GNPTAB: variants seen among roughly 807,000 people sequenced by gnomAD.
GNPTAB encodes N-acetylglucosamine-1-phosphotransferase subunits alpha/beta.
GNPTAB carries 92 observed loss-of-function variants against 136.6 expected under a neutral mutation model. That is an observed-to-expected ratio of 0.67 (90% CI 0.57 to 0.80). The LOEUF (loss-of-function observed/expected upper bound fraction) is 0.80. Among genes scored for constraint, GNPTAB ranks in the 30% least tolerant of loss-of-function variants. GNPTAB has a pLI of 0.00. For synonymous variants in GNPTAB, 512 were observed against 535.1 expected (o/e 0.96, Z 0.60); for missense variants, 1,343 against 1,501.8 (o/e 0.89, Z 1.75).
In GNPTAB at chr12:101,790,108, T is replaced by G. The variant is rs547999444; in HGVS notation, c.204-51A>C. On this transcript the variant is annotated intron_variant, in intron 2 of 20. Transcript: ENST00000299314. ...GCTTAAATGCATTTTTCCAATATAT[T>G]TGGTAATAAGAATATCACAGGGTTT... is the stretch of plus-strand genomic sequence containing the variant. 38 of 1,613,206 alleles carry G rather than the reference T, an allele frequency of 2.4e-5. No individual in the cohort carries two copies. The South Asian group carries it at 3.8e-4, about 16-fold the overall frequency.
chr12:101,793,210 A>T (rs1455732372), intron 2 of GNPTAB, among the ~76,000 whole-genome samples: 3 of 151,330 alleles, frequency 2.0e-5, no homozygotes, highest in African/African-American at 7.3e-5. Flanking sequence ...TTTCTCATTT[A>T]AAAAAAAATC....
chr12:101,786,123 G>C lies in GNPTAB; in HGVS notation c.460C>G (p.Leu154Val), dbSNP rs945023795. 1.2e-6 allele frequency: 2 copies of C among 1,614,024 alleles called. No homozygotes were observed. The highest frequency in any genetic ancestry group is 1.7e-5 in the Admixed American group (1 of 60,020). ...TGAAAAGAAGGATAAAGAGATGGCA[G>C]GTCCTTCAGGGTGATGTTGGCTGGC... ...ALPANITLKD[L>V]PSLYPSFHSA... is the part of the protein sequence containing the mutation. The change falls in exon 5 of 21, where the codon CTG (leucine) becomes GTG (valine). Residue 154 changes from leucine to valine, a missense_variant. Leu to Val is a conservative substitution (Grantham distance 32, BLOSUM62 1). Coordinates refer to ENST00000299314, the MANE Select transcript of GNPTAB (RefSeq NM_024312.5).
intron 1 of GNPTAB, among the ~76,000 whole-genome samples, chr12:101,806,975 CA>C (rs1191003377): frequency 6.6e-6 from 1 of 152,090 alleles, no homozygotes; most frequent in African/African-American, 2.4e-5. Context: ...AAAGACATTA[CA>C]AGAAAGGAAA....
intron 7 of GNPTAB, chr12:101,773,351 T>C (rs1274711994): frequency 1.3e-5 from 4 of 299,496 alleles, no homozygotes; most frequent in Non-Finnish European, 2.6e-5. Context: ...TTCCTTGGTA[T>C]GCAGAATGCT....
chr12:101,802,403 T>A (rs534084306), intron 1 of GNPTAB, among the ~76,000 whole-genome samples: 1 of 152,228 alleles, frequency 6.6e-6, no homozygotes, highest in Non-Finnish European at 1.5e-5. Context: ...TTGGACATAG[T>A]AACTTAGGGT....
In GNPTAB at chr12:101,753,398, G is replaced by A; in HGVS notation, c.3576C>T (p.Phe1192=). The change falls in exon 19 of 21, where the codon TTC becomes TTT. Residue 1192 remains phenylalanine, a synonymous_variant. Transcript: ENST00000299314. ...FELPREYRNR[F]LHMHELQEWR... is the part of the protein sequence containing the mutation. ...ATTCCTGCAGCTCATGCATATGAAGGAAACGGTTTCGATACTCTCTTGGCA... is the reference window on the plus strand; with the variant it reads ...ATTCCTGCAGCTCATGCATATGAAGAAAACGGTTTCGATACTCTCTTGGCA... 6.2e-7 allele frequency: 1 copy of A among 1,614,018 alleles called. No individual in the cohort carries two copies. The highest frequency in any genetic ancestry group is 8.5e-7 in the Non-Finnish European group (1 of 1,179,932).
At chr12:101,789,805 G>C in intron 3 of GNPTAB, 133 bp downstream of exon 3, 2 of 974,660 alleles carry the variant, frequency 2.1e-6, no homozygotes, top group Non-Finnish European at 3.3e-6. Flanking sequence ...TTAAAAATCA[G>C]TTTTACCAGA....
At chr12:101,815,917 T>A (rs1453031543) in intron 1 of GNPTAB, among the ~76,000 whole-genome samples, 1 of 152,188 alleles carries the variant, frequency 6.6e-6, no homozygotes, top group Non-Finnish European at 1.5e-5. Context: ...AACTAATTTC[T>A]GACAAAAGTG....
In GNPTAB at chr12:101,761,782, A is replaced by G. The variant is rs1183470774; in HGVS notation, c.2716-19T>C. ...CTTCTTCCTGAAAAGAGAATTCTAC[A>G]TGTAACTCAGCATTATGTTTAGTGC... is the stretch of plus-strand genomic sequence containing the variant. On this transcript the variant is annotated intron_variant, in intron 13 of 20. Transcript: ENST00000299314. 15 of 1,555,480 alleles carry G rather than the reference A, an allele frequency of 9.6e-6. No individual in the cohort carries two copies. Among genetic ancestry groups the G allele is most frequent in the East Asian group, 2.2e-5 (1 of 44,582 alleles).
Position 101,763,238 on chromosome 12 carries a change from G to A in GNPTAB, c.2715+964C>T, listed in dbSNP as rs79414221. 3.0e-3 allele frequency among the ~76,000 whole-genome samples: 214 copies of A among 71,786 alleles called. 2 individuals carry two copies. The highest frequency in any genetic ancestry group is 2.8e-3 in the African/African-American group (59 of 20,930). 47.1% of individuals were successfully genotyped at this position (71,786 alleles called of 152,430 possible). ...CTCCATCTCAAAAAAAAAAAAAAAA[G>A]AAAGGAAAGGAAAGAAAATGGGGGA... is the stretch of plus-strand genomic sequence containing the variant. On this transcript the variant is annotated intron_variant, in intron 13 of 20. Transcript: ENST00000299314.
At chr12:101,773,902 T>A (rs1403655969) in intron 7 of GNPTAB, 1 of 152,244 alleles carries the variant, frequency 6.6e-6, no homozygotes, top group Non-Finnish European at 1.5e-5. Context: ...ATATATGGCA[T>A]CTTATTTTAA....
intron 9 of GNPTAB, 92 bp downstream of exon 9, chr12:101,770,314 G>C (rs1394145920): frequency 2.9e-6 from 4 of 1,360,520 alleles, no homozygotes; most frequent in Non-Finnish European, 4.2e-6. Flanking sequence ...GAGGTAGAAG[G>C]GTAAAGGGAA....
At chr12:101,812,748 G>A (rs1249820378) in intron 1 of GNPTAB, among the ~76,000 whole-genome samples, 3 of 152,150 alleles carry the variant, frequency 2.0e-5, no homozygotes, top group Admixed American at 2.0e-4. Flanking sequence ...GACAGAGTAA[G>A]ACCCTGTCTC....
In GNPTAB at chr12:101,780,296, G is replaced by A. The variant is rs1439768920; in HGVS notation, c.637-10C>T. 1.2e-6 allele frequency: 2 copies of A among 1,613,692 alleles called. No homozygotes were observed. Among genetic ancestry groups the A allele is most frequent in the East Asian group, 4.5e-5 (2 of 44,852 alleles). Reference sequence around the variant, plus strand: ...CTTCTTTATCTGTTGTCTAAAATAAGGGGAAAAACATAACTCATTTTCCAC... The same window carrying A: ...CTTCTTTATCTGTTGTCTAAAATAAAGGGAAAAACATAACTCATTTTCCAC... On this transcript the variant is annotated splice_polypyrimidine_tract_variant and intron_variant, in intron 6 of 20. Transcript: ENST00000299314.
intron 1 of GNPTAB, among the ~76,000 whole-genome samples, chr12:101,800,241 T>C (rs1241358678): frequency 6.6e-6 from 1 of 151,962 alleles, no homozygotes; most frequent in Non-Finnish European, 1.5e-5. Flanking sequence ...TCCTAGCACT[T>C]TGGGAGGATG....
At chr12:101,814,499 C>T (rs1355629663) in intron 1 of GNPTAB, among the ~76,000 whole-genome samples, 7 of 152,074 alleles carry the variant, frequency 4.6e-5, no homozygotes, top group African/African-American at 1.4e-4. Context: ...AGGTTCGAGA[C>T]CAGCCTGGCC....
intron 4 of GNPTAB, among the ~76,000 whole-genome samples, chr12:101,787,132 C>T: frequency 6.6e-6 from 1 of 152,128 alleles, no homozygotes; most frequent in East Asian, 1.9e-4. Context: ...GAATCTAGTC[C>T]AGTCCAAGTA....
At chr12:101,748,509 C>T (rs1952769065) in intron 20 of GNPTAB, among the ~76,000 whole-genome samples, 1 of 152,196 alleles carries the variant, frequency 6.6e-6, no homozygotes, top group Non-Finnish European at 1.5e-5. Flanking sequence ...TTTCTCTTTA[C>T]CTCACAAATC....
intron 2 of GNPTAB, among the ~76,000 whole-genome samples, chr12:101,790,855 C>G (rs77417999): frequency 6.6e-6 from 1 of 151,748 alleles, no homozygotes; most frequent in Non-Finnish European, 1.5e-5. Flanking sequence ...AAGCCTGCAC[C>G]CTCCCCAGCC....
Sources: allele counts gnomAD v4.1 joint callset (sites outside exome capture counted in the v4.1 genomes callset), GRCh38; gene constraint gnomAD v4.1.1; transcripts MANE v1.5; gene names NCBI Gene and HGNC (gene_info 2026-07-23, HGNC 2026-07-21).